The following NTM variants were observed in gnomAD, a reference collection of about 807,000 sequenced individuals.
NTM encodes IgLON family member 2.
Under a neutral mutation model 42.1 loss-of-function variants are expected in NTM, and 13 were observed. That is an observed-to-expected ratio of 0.31 (90% CI 0.20 to 0.49). The LOEUF is 0.49. Ranked by LOEUF, NTM falls within the 20% of genes least tolerant of loss-of-function variation. NTM has a pLI of 0.99. For missense variants in NTM, 373 were observed against 452.8 expected, an observed-to-expected ratio of 0.82 and a Z score of 1.60; for synonymous variants, 187 against 179.2, an observed-to-expected ratio of 1.04 and a Z score of -0.35.
intron 6 of NTM, chr11:132,312,709 T>A (rs2095314343): frequency 6.5e-6 from 1 of 154,864 alleles, no homozygotes. Context: ...GAAAGCTTCC[T>A]CCCCATGGTG....
chr11:132,172,190 T>G (rs1789546123), intron 3 of NTM, among the ~76,000 whole-genome samples: 1 of 152,228 alleles, frequency 6.6e-6, no homozygotes, highest in South Asian at 2.1e-4. Context: ...AGAGATCATA[T>G]GATACATGAT....
intron 1 of NTM, among the ~76,000 whole-genome samples, chr11:131,807,411 T>C (rs1190521836): frequency 6.6e-6 from 1 of 152,132 alleles, no homozygotes; most frequent in Non-Finnish European, 1.5e-5. Context: ...AATAGGAAAG[T>C]AGTGCTAAGA....
intron 1 of NTM, among the ~76,000 whole-genome samples, chr11:131,390,890 C>A (rs1268704815): frequency 6.6e-6 from 1 of 152,114 alleles, no homozygotes; most frequent in Non-Finnish European, 1.5e-5. Flanking sequence ...GTTTGAGAAC[C>A]ACCAGCAGAC....
chr11:132,320,944 A>C (rs1391214360), intron 7 of NTM, among the ~76,000 whole-genome samples: 2 of 151,222 alleles, frequency 1.3e-5, no homozygotes, highest in Admixed American at 6.6e-5. Context: ...AGGGTACTCC[A>C]ACAGACCTGC....
At chr11:131,401,824 A>ATATGTGTG (rs1206290181) in intron 1 of NTM, among the ~76,000 whole-genome samples, 12 of 64,104 alleles carry the variant, frequency 1.9e-4, no homozygotes, top group African/African-American at 7.0e-4. Flanking sequence ...ATATATATAT[A>ATATGTGTG]TATATATATA....
At chr11:131,551,441 G>A (rs953790627) in intron 1 of NTM, among the ~76,000 whole-genome samples, 17 of 150,066 alleles carry the variant, frequency 1.1e-4, no homozygotes, top group Non-Finnish European at 2.1e-4. Flanking sequence ...AAAAACGCAC[G>A]ATTGCAATGA....
chr11:131,828,710 G>T (rs868752517), intron 1 of NTM, among the ~76,000 whole-genome samples: 2 of 151,992 alleles, frequency 1.3e-5, no homozygotes, highest in African/African-American at 4.8e-5. Flanking sequence ...TTCACGGCAC[G>T]TCTCCAAACC....
chr11:132,308,320 C>T (rs1476476871), intron 5 of NTM, among the ~76,000 whole-genome samples: 1 of 152,098 alleles, frequency 6.6e-6, no homozygotes, highest in East Asian at 1.9e-4. Context: ...GGTATACATA[C>T]AAATAGTTAC....
intron 1 of NTM, among the ~76,000 whole-genome samples, chr11:131,641,684 T>A (rs2134232399): frequency 6.6e-6 from 1 of 152,204 alleles, no homozygotes; most frequent in Non-Finnish European, 1.5e-5. Context: ...ACTTGCAAAT[T>A]AATTCAGTGG....
chr11:131,758,144 G>C (rs866441905), intron 1 of NTM, among the ~76,000 whole-genome samples: 1 of 152,176 alleles, frequency 6.6e-6, no homozygotes, highest in African/African-American at 2.4e-5. Flanking sequence ...ATTTTAGTCA[G>C]TTTCACTCTA....
At chr11:131,588,119 G>A (rs531172153) in intron 1 of NTM, among the ~76,000 whole-genome samples, 13 of 512 alleles carry the variant, frequency 0.025, no homozygotes, top group African/African-American at 0.12. Flanking sequence ...TGAAGAAACC[G>A]AGGCACAGAT....
intron 2 of NTM, among the ~76,000 whole-genome samples, chr11:132,085,561 G>A (rs993430498): frequency 1.3e-5 from 2 of 152,204 alleles, no homozygotes; most frequent in African/African-American, 4.8e-5. Flanking sequence ...TAATCTTTAA[G>A]ACTGTTTTTA....
At chr11:132,195,992 G>C (rs2138359024) in intron 3 of NTM, among the ~76,000 whole-genome samples, 1 of 152,158 alleles carries the variant, frequency 6.6e-6, no homozygotes, top group African/African-American at 2.4e-5. Context: ...AAAATAAACT[G>C]TCAACAGAGT....
chr11:132,251,552 T>A (rs750312587), intron 4 of NTM, among the ~76,000 whole-genome samples: 5 of 152,176 alleles, frequency 3.3e-5, no homozygotes, highest in African/African-American at 4.8e-5. Flanking sequence ...TGAGCCTACC[T>A]ATGAGGAAAG....
chr11:132,022,883 G>T (rs1194148384), intron 2 of NTM, among the ~76,000 whole-genome samples: 2 of 152,182 alleles, frequency 1.3e-5, no homozygotes, highest in Non-Finnish European at 2.9e-5. Context: ...TGCAACATGT[G>T]ATAAAAATGC....
In NTM at chr11:132,119,691, C is replaced by T. The variant is rs192899818; in HGVS notation, c.168-26591C>T. 5.7e-4 allele frequency among the ~76,000 whole-genome samples: 87 copies of T among 152,316 alleles called. 1 individual carries two copies. Among genetic ancestry groups the T allele is most frequent in the Non-Finnish European group, 2.2e-4 (15 of 68,036 alleles). On this transcript the variant is annotated intron_variant, in intron 2 of 8. Coordinates refer to ENST00000683400, the MANE Select transcript of NTM (RefSeq NM_001352005.2). ...AAATAAGCTGGCAGTCTTCTGGTCCCGTGGCATCACGCCTCTCTGCCAAAG... is the reference window on the plus strand; with the variant it reads ...AAATAAGCTGGCAGTCTTCTGGTCCTGTGGCATCACGCCTCTCTGCCAAAG...
At chr11:131,528,063 A>C (rs1445833949) in intron 1 of NTM, among the ~76,000 whole-genome samples, 1 of 151,640 alleles carries the variant, frequency 6.6e-6, no homozygotes, top group African/African-American at 2.4e-5. Context: ...AATGTTCCAA[A>C]TTTTTTTAAA....
chr11:132,041,825 A>G (rs2077245219), intron 2 of NTM, among the ~76,000 whole-genome samples: 1 of 152,202 alleles, frequency 6.6e-6, no homozygotes, highest in Non-Finnish European at 1.5e-5. Flanking sequence ...ACTTTCAGCA[A>G]GTCACTGACC....
intron 2 of NTM, among the ~76,000 whole-genome samples, chr11:132,117,367 T>C (rs1334140989): frequency 2.6e-5 from 4 of 152,128 alleles, no homozygotes; most frequent in Non-Finnish European, 5.9e-5. Context: ...CATGGGCCCC[T>C]CTCCCTAGTC....
Sources: gnomAD v4.1 joint callset for allele counts (sites outside exome capture counted in the v4.1 genomes callset) on GRCh38, gnomAD v4.1.1 for gene constraint, MANE v1.5 for transcripts, NCBI Gene and HGNC (gene_info 2026-07-23, HGNC 2026-07-21) for gene names.